The following SOCS5 variants were observed in gnomAD, a reference collection of about 807,000 sequenced individuals.
The protein encoded by SOCS5 is CIS-6.
Under a neutral mutation model 42.8 loss-of-function variants are expected in SOCS5, and 32 were observed. The ratio of observed to expected loss-of-function variants is 0.75; its 90% CI spans 0.56 to 1.01. The LOEUF is 1.01. Among genes scored for constraint, SOCS5 ranks in the 50% least tolerant of loss-of-function variants. SOCS5 has a pLI of 0.00. For synonymous variants in SOCS5, 283 were observed against 229.6 expected, an observed-to-expected ratio of 1.23 and a Z score of -2.10; for missense variants, 627 against 653.0, an observed-to-expected ratio of 0.96 and a Z score of 0.43.
At chr2:46,741,394 A>G (rs1673372509) in intron 1 of SOCS5, among the ~76,000 whole-genome samples, 1 of 152,142 alleles carries the variant, frequency 6.6e-6, no homozygotes, top group Non-Finnish European at 1.5e-5. Flanking sequence ...GTGCGCCACC[A>G]TGCCGGGCTA....
At chr2:46,716,025 A>G (rs113720577) in intron 1 of SOCS5, among the ~76,000 whole-genome samples, 13 of 151,280 alleles carry the variant, frequency 8.6e-5, no homozygotes, top group African/African-American at 2.7e-4. Flanking sequence ...CCCTGTCTTC[A>G]GGGTAACTGA....
At chr2:46,743,007 G>A (rs1276022801) in intron 1 of SOCS5, among the ~76,000 whole-genome samples, 3 of 151,990 alleles carry the variant, frequency 2.0e-5, no homozygotes, top group Non-Finnish European at 4.4e-5. Context: ...TTTACAATCC[G>A]ATGAAATTCT....
At chr2:46,753,299 C>T (rs1225019373) in intron 1 of SOCS5, among the ~76,000 whole-genome samples, 2 of 152,156 alleles carry the variant, frequency 1.3e-5, no homozygotes, top group Non-Finnish European at 2.9e-5. Context: ...GGTCACGTTT[C>T]CCTGTTATCT....
At chr2:46,715,420 C>T (rs1659499400) in intron 1 of SOCS5, among the ~76,000 whole-genome samples, 1 of 151,482 alleles carries the variant, frequency 6.6e-6, no homozygotes, top group Non-Finnish European at 1.5e-5. Flanking sequence ...TAATATTTAC[C>T]TTCATTTAAC....
intron 1 of SOCS5, among the ~76,000 whole-genome samples, chr2:46,722,092 T>G (rs562555533): frequency 6.6e-6 from 1 of 152,250 alleles, no homozygotes; most frequent in East Asian, 1.9e-4. Context: ...TTGCTTTGTC[T>G]TAAATTCTCT....
intron 1 of SOCS5, among the ~76,000 whole-genome samples, chr2:46,719,544 G>A (rs541700014): frequency 2.0e-4 from 30 of 152,128 alleles, no homozygotes; most frequent in African/African-American, 6.7e-4. Flanking sequence ...TTGCAGGTGT[G>A]GATGTCCTTA....
At chr2:46,726,361 G>T (rs1410558215) in intron 1 of SOCS5, among the ~76,000 whole-genome samples, 2 of 152,140 alleles carry the variant, frequency 1.3e-5, no homozygotes, top group African/African-American at 4.8e-5. Flanking sequence ...CTCCCAAAGT[G>T]CTGGAATTAC....
chr2:46,738,370 AAAG>A (rs1673298967), intron 1 of SOCS5, among the ~76,000 whole-genome samples: 1 of 152,204 alleles, frequency 6.6e-6, no homozygotes, highest in Admixed American at 6.5e-5. Flanking sequence ...CATCTTGAAA[AAAG>A]AAACTGTTGA....
intron 1 of SOCS5, among the ~76,000 whole-genome samples, chr2:46,720,440 G>C (rs1394846727): frequency 2.0e-5 from 3 of 152,144 alleles, no homozygotes; most frequent in Non-Finnish European, 1.5e-5. Context: ...CTTACTGTGA[G>C]ATCTGGCTAT....
chr2:46,704,888 G>A (rs1291461715), intron 1 of SOCS5, among the ~76,000 whole-genome samples: 2 of 152,158 alleles, frequency 1.3e-5, no homozygotes, highest in South Asian at 2.1e-4. Context: ...AGGGAAATCA[G>A]CATTGGGCTC....
At chr2:46,709,086 C>T (rs1024381716) in intron 1 of SOCS5, among the ~76,000 whole-genome samples, 3 of 151,950 alleles carry the variant, frequency 2.0e-5, no homozygotes, top group Non-Finnish European at 4.4e-5. Flanking sequence ...GAGGTTTCAC[C>T]GTGTTGGCCA....
chr2:46,753,492 A>T (rs1478318173), intron 1 of SOCS5, among the ~76,000 whole-genome samples: 1 of 152,162 alleles, frequency 6.6e-6, no homozygotes, highest in East Asian at 1.9e-4. Context: ...AACTATGTTC[A>T]TTTGCCAGTC....
chr2:46,707,175 T>C (rs1447616611), intron 1 of SOCS5, among the ~76,000 whole-genome samples: 2 of 152,176 alleles, frequency 1.3e-5, no homozygotes, highest in Non-Finnish European at 2.9e-5. Flanking sequence ...AGTTGAATTA[T>C]GGTTCTCTTT....
In SOCS5 at chr2:46,699,295, G is replaced by T. The variant is rs1672287596; in HGVS notation, c.-167G>T. ...GGCGGAGCTGGGGTCCCCGGGCTCC[G>T]TCCGGAGGAAGCGACGCTGCGCTCG... On this transcript the variant is annotated 5_prime_UTR_variant, in exon 1 of 2. Coordinates refer to ENST00000394861, the MANE Select transcript of SOCS5 (RefSeq NM_144949.3). This position sits in a 1 kb window ranked among gnomAD's most constrained non-coding sequence, Gnocchi z 4.8. 3.3e-5 allele frequency: 5 copies of T among 152,322 alleles called. No individual in the cohort carries two copies. The South Asian group carries it at 1.0e-3, about 31-fold the overall frequency. The allele number at this position is 152,322 out of a possible 1,614,324, so 9.4% of individuals were successfully genotyped here.
rs1248199019 is a variant in SOCS5, at chr2:46,699,623, G to C, written c.-13+174G>C. Among the ~76,000 whole-genome samples the C allele has an allele frequency of 2.6e-5, 4 of 152,160 alleles. No homozygotes were observed. The South Asian group carries it at 8.3e-4, about 31-fold the overall frequency. On this transcript the variant is annotated intron_variant, in intron 1 of 1. Coordinates refer to ENST00000394861, the MANE Select transcript of SOCS5 (RefSeq NM_144949.3). The surrounding 1 kb of genome is among the most constrained non-coding windows in gnomAD (Gnocchi z 4.8). ...GCCTCTGGCTGGGATGGGCTGGCCG[G>C]GAAAAGGACTGCTAGCCCGGGCCGC...
At chr2:46,711,803 T>A (rs879647371) in intron 1 of SOCS5, among the ~76,000 whole-genome samples, 25 of 152,248 alleles carry the variant, frequency 1.6e-4, no homozygotes, top group Non-Finnish European at 3.4e-4. Context: ...ATTAGATTTT[T>A]GCCCCCATAT....
chr2:46,752,815 G>A (rs964345787), intron 1 of SOCS5, among the ~76,000 whole-genome samples: 2 of 152,112 alleles, frequency 1.3e-5, no homozygotes, highest in African/African-American at 4.8e-5. Flanking sequence ...GTTTTATTTC[G>A]TGTTTTCTCT....
In SOCS5 at chr2:46,699,672, T is replaced by A. The variant is rs1053984181; in HGVS notation, c.-13+223T>A. ...GCGAGCCCCGTGCAGACCACGCCGC[T>A]CACAGTGGGAGCTTGCGCTTAGTAG... On this transcript the variant is annotated intron_variant, in intron 1 of 1. Transcript: ENST00000394861. The surrounding 1 kb of genome is among the most constrained non-coding windows in gnomAD (Gnocchi z 4.8). Among the ~76,000 whole-genome samples the A allele has an allele frequency of 2.0e-5, 3 of 152,104 alleles. No individual in the cohort carries two copies. The highest frequency in any genetic ancestry group is 7.2e-5 in the African/African-American group (3 of 41,424).
rs548495648 is a variant in SOCS5, at chr2:46,699,887, G to A, written c.-13+438G>A. Among the ~76,000 whole-genome samples the A allele has an allele frequency of 6.6e-6, 1 of 152,154 alleles. No homozygotes were observed. The highest frequency in any genetic ancestry group is 1.9e-4 in the East Asian group (1 of 5,162). On this transcript the variant is annotated intron_variant, in intron 1 of 1. Coordinates refer to ENST00000394861, the MANE Select transcript of SOCS5 (RefSeq NM_144949.3). The surrounding 1 kb of genome is among the most constrained non-coding windows in gnomAD (Gnocchi z 4.8). ...AGGGAGCACCGACCAAGTCACTTGG[G>A]GCTCCAAGAGCCCGATCTGGGGGTC... is the stretch of plus-strand genomic sequence containing the variant.
Sources: allele counts gnomAD v4.1 joint callset (sites outside exome capture counted in the v4.1 genomes callset), GRCh38; gene constraint gnomAD v4.1.1; non-coding constraint Gnocchi (gnomAD v3.1); transcripts MANE v1.5; gene names NCBI Gene and HGNC (gene_info 2026-07-23, HGNC 2026-07-21).